Variants in CYP2C19 observed in about 807,000 individuals in gnomAD.
The protein encoded by CYP2C19 is cytochrome P450 2C19.
In CYP2C19, 59 loss-of-function variants were observed where a neutral mutation model predicts 40.9. That is an observed-to-expected ratio of 1.44 (90% CI 1.17 to 1.79). The LOEUF (loss-of-function observed/expected upper bound fraction) is 1.79, where lower values mean the gene tolerates loss of function less well. Ranked by LOEUF, CYP2C19 falls within the 40% of genes most tolerant of loss-of-function variation. The pLI is 0.00. For missense variants in CYP2C19, 754 were observed against 596.9 expected, an observed-to-expected ratio of 1.26 and a Z score of -2.74; for synonymous variants, 253 against 208.7, an observed-to-expected ratio of 1.21 and a Z score of -1.83.
intron 6 of CYP2C19, 110 bp downstream of exon 6, chr10:94,820,747 G>A: frequency 7.2e-7 from 1 of 1,380,436 alleles, no homozygotes; most frequent in Non-Finnish European, 1.0e-6. Flanking sequence ...TTAAATTTCT[G>A]TGCCCGCAGC....
At chr10:94,841,061 C>T (rs1250471865) in intron 6 of CYP2C19, among the ~76,000 whole-genome samples, 3 of 152,128 alleles carry the variant, frequency 2.0e-5, no homozygotes, top group Admixed American at 2.0e-4. Flanking sequence ...GATCCACTTC[C>T]AAGATGGTGG....
intron 1 of CYP2C19, among the ~76,000 whole-genome samples, chr10:94,771,532 T>C (rs1480587928): frequency 6.6e-6 from 1 of 152,054 alleles, no homozygotes; most frequent in Non-Finnish European, 1.5e-5. Flanking sequence ...AGAGAGAGAA[T>C]AGTGGGGCCA....
chr10:94,768,048 C>T (rs546473584), intron 1 of CYP2C19, among the ~76,000 whole-genome samples: 1 of 152,274 alleles, frequency 6.6e-6, no homozygotes, highest in East Asian at 1.9e-4. Flanking sequence ...TGGGTTTTTG[C>T]ACTGAGTGCA....
chr10:94,821,045 T>C (rs1849112834), intron 6 of CYP2C19, among the ~76,000 whole-genome samples: 3 of 151,934 alleles, frequency 2.0e-5, no homozygotes, highest in Admixed American at 1.3e-4. Flanking sequence ...ATTGTGCCAT[T>C]GCACTCTAGC....
rs576226637 is a variant in CYP2C19, at chr10:94,770,048, G to A, written c.169-5010G>A. On this transcript the variant is annotated intron_variant, in intron 1 of 8. Coordinates refer to ENST00000371321, the MANE Select transcript of CYP2C19 (RefSeq NM_000769.4). ...GTCCCAGGATTTCTCAGATGGTAACGGACCTTGAGGACCGTCATCCAGGAC... is the reference window on the plus strand; with the variant it reads ...GTCCCAGGATTTCTCAGATGGTAACAGACCTTGAGGACCGTCATCCAGGAC... 1.7e-4 allele frequency among the ~76,000 whole-genome samples: 26 copies of A among 152,272 alleles called. No homozygotes were observed. The South Asian group carries it at 5.2e-3, about 30-fold the overall frequency.
chr10:94,855,283 A>G lies in CYP2C19; in HGVS notation c.*2369A>G, dbSNP rs1849714329. ...ATTATACCCATTTGAACAACCAAAC[A>G]ATTGCACTGATGATCTGTTAAGCAT... On this transcript the variant is annotated 3_prime_UTR_variant, in exon 9 of 9. Transcript: ENST00000371321. Among the ~76,000 whole-genome samples, 1 of 152,186 alleles carries G rather than the reference A, an allele frequency of 6.6e-6. No homozygotes were observed. Among genetic ancestry groups the G allele is most frequent in the South Asian group, 2.1e-4 (1 of 4,836 alleles).
At chr10:94,851,802 A>T (rs1435598868) in intron 8 of CYP2C19, among the ~76,000 whole-genome samples, 1 of 152,138 alleles carries the variant, frequency 6.6e-6, no homozygotes, top group East Asian at 1.9e-4. Flanking sequence ...TTCACTGCCT[A>T]CAAGGCCTCA....
At chr10:94,828,747 TC>T (rs1341381682) in intron 6 of CYP2C19, among the ~76,000 whole-genome samples, 3 of 152,084 alleles carry the variant, frequency 2.0e-5, no homozygotes, top group Non-Finnish European at 4.4e-5. Flanking sequence ...TGATGCAGTT[TC>T]TTCCTAGACT....
At chr10:94,826,663 C>T (rs1396408757) in intron 6 of CYP2C19, among the ~76,000 whole-genome samples, 1 of 152,120 alleles carries the variant, frequency 6.6e-6, no homozygotes, top group African/African-American at 2.4e-5. Flanking sequence ...CTTCTCCTGC[C>T]TAATTGCCCT....
chr10:94,817,703 A>G (rs1376123287), intron 5 of CYP2C19, among the ~76,000 whole-genome samples: 1 of 151,654 alleles, frequency 6.6e-6, no homozygotes, highest in Non-Finnish European at 1.5e-5. Context: ...TAGGGTTTTT[A>G]TGGTTTTAGG....
At position 94,837,751 on chromosome 10, in the gene CYP2C19, C is replaced by T. The variant is rs182103057; in HGVS notation, c.962-5086C>T. Among the ~76,000 whole-genome samples the T allele has an allele frequency of 1.7e-3, 254 of 152,176 alleles. 1 individual carries two copies. The highest frequency in any genetic ancestry group is 2.8e-3 in the Non-Finnish European group (193 of 68,002). ...CTGGCCCTCAATGGTCAAGCATACC[C>T]GGGGTTCTGTGAGGGTGATGGCATG... On this transcript the variant is annotated intron_variant, in intron 6 of 8. Transcript: ENST00000371321.
At chr10:94,765,830 A>G (rs989001286) in intron 1 of CYP2C19, among the ~76,000 whole-genome samples, 5 of 152,056 alleles carry the variant, frequency 3.3e-5, no homozygotes, top group Admixed American at 6.5e-5. Context: ...TGGGGCTTGA[A>G]GTTGTAGGGT....
At chr10:94,791,757 A>T (rs1236847893) in intron 5 of CYP2C19, among the ~76,000 whole-genome samples, 1 of 152,078 alleles carries the variant, frequency 6.6e-6, no homozygotes, top group Non-Finnish European at 1.5e-5. Flanking sequence ...CTATTCTTTT[A>T]CATTTGCTGA....
At chr10:94,800,445 T>C (rs1296003188) in intron 5 of CYP2C19, among the ~76,000 whole-genome samples, 1 of 152,232 alleles carries the variant, frequency 6.6e-6, no homozygotes, top group African/African-American at 2.4e-5. Flanking sequence ...TGGCCCCTAC[T>C]GGGAGTTGTC....
chr10:94,772,742 C>T (rs1186369464), intron 1 of CYP2C19, among the ~76,000 whole-genome samples: 1 of 152,152 alleles, frequency 6.6e-6, no homozygotes, highest in African/African-American at 2.4e-5. Flanking sequence ...TCCCAGAAAG[C>T]CTGACACCCC....
At chr10:94,781,749 C>G (rs1292441449) in intron 4 of CYP2C19, 72 bp from the exon 5 acceptor site, 1 of 694,480 alleles carries the variant, frequency 1.4e-6, no homozygotes, top group Non-Finnish European at 2.1e-6. Context: ...TAAATTACAA[C>G]CAGAGCTTGG....
intron 5 of CYP2C19, among the ~76,000 whole-genome samples, chr10:94,801,065 G>A (rs545872321): frequency 2.3e-4 from 35 of 152,254 alleles, no homozygotes; most frequent in Admixed American, 4.6e-4. Flanking sequence ...ACAAGGTACC[G>A]CAGTTGGAAG....
At chr10:94,851,953 G>T (rs1031885727) in intron 8 of CYP2C19, among the ~76,000 whole-genome samples, 2 of 152,228 alleles carry the variant, frequency 1.3e-5, no homozygotes, top group Non-Finnish European at 2.9e-5. Flanking sequence ...TTCTTGCTCA[G>T]TGAGATGAGA....
At chr10:94,842,795 A>G (rs1849515584) in intron 6 of CYP2C19, 42 bp from the exon 7 acceptor site, 2 of 1,603,078 alleles carry the variant, frequency 1.2e-6, no homozygotes, top group Non-Finnish European at 1.7e-6. Flanking sequence ...CAAATGTTCC[A>G]TTTCTCTCCT....
Sources: allele counts gnomAD v4.1 joint callset (sites outside exome capture counted in the v4.1 genomes callset), GRCh38; gene constraint gnomAD v4.1.1; transcripts MANE v1.5; gene names NCBI Gene and HGNC (gene_info 2026-07-23, HGNC 2026-07-21).